POU2F1: variants seen among roughly 807,000 people sequenced by gnomAD.
POU2F1 encodes POU domain, class 2, transcription factor 1.
Under a neutral mutation model 84.9 loss-of-function variants are expected in POU2F1, and 16 were observed. The observed-to-expected ratio is 0.19, with a 90% CI of 0.13 to 0.29. POU2F1 has a LOEUF of 0.29. Among genes scored for constraint, POU2F1 ranks in the 10% least tolerant of loss-of-function variants. The probability of loss-of-function intolerance (pLI) is 1.00; values close to 1 mark genes in which losing one functional copy is unlikely to be tolerated. For synonymous variants in POU2F1, 368 were observed against 368.3 expected (o/e 1.00, Z 0.01); for missense variants, 738 against 942.6 (o/e 0.78, Z 2.84).
In POU2F1 at chr1:167,424,433, TC is replaced by T. The variant is rs1650827704; in HGVS notation, c.*8625del. On this transcript the variant is annotated 3_prime_UTR_variant, in exon 16 of 16. Transcript: ENST00000367866. The stretch of plus-strand genomic sequence containing the variant: ...CTCTCCTCCCGCATAAGTCTGTACT[TC>T]CATCCCCTCATCTGTGGTAGTAGTG... The T allele has an allele frequency of 6.6e-6, 1 of 152,332 alleles. No individual in the cohort carries two copies. Among genetic ancestry groups the T allele is most frequent in the South Asian group, 2.1e-4 (1 of 4,832 alleles). 9.4% of individuals were successfully genotyped at this position (152,332 alleles called of 1,614,324 possible). A position where few individuals can be genotyped will look rare whatever the true frequency, so the allele number is the denominator to read the frequency against.
intron 2 of POU2F1, among the ~76,000 whole-genome samples, chr1:167,347,955 G>A (rs1409067486): frequency 1.3e-5 from 2 of 152,134 alleles, no homozygotes; most frequent in African/African-American, 4.8e-5. Context: ...CATTTGGGTT[G>A]TTTCCACTCT....
intron 5 of POU2F1, among the ~76,000 whole-genome samples, chr1:167,373,680 G>T (rs1343399879): frequency 6.6e-6 from 1 of 152,210 alleles, no homozygotes; most frequent in African/African-American, 2.4e-5. Flanking sequence ...ATATGGCAGG[G>T]ATTCATGCTA....
At chr1:167,292,011 T>C (rs1413937553) in intron 1 of POU2F1, among the ~76,000 whole-genome samples, 1 of 152,006 alleles carries the variant, frequency 6.6e-6, no homozygotes, top group Non-Finnish European at 1.5e-5. Context: ...TTCAAATTCA[T>C]GTTAGAAAAA....
intron 1 of POU2F1, among the ~76,000 whole-genome samples, chr1:167,331,966 C>G (rs923201698): frequency 6.6e-6 from 1 of 151,908 alleles, no homozygotes; most frequent in African/African-American, 2.4e-5. Flanking sequence ...GATAATTTAC[C>G]TTAGACGTGT....
rs533226585 is a variant in POU2F1 at position 167,299,882 on chromosome 1, C to A, written c.62-32588C>A. Among the ~76,000 whole-genome samples the A allele has an allele frequency of 1.6e-3, 250 of 152,080 alleles. 3 individuals are homozygous for A. The highest frequency in any genetic ancestry group is 5.4e-3 in the African/African-American group (223 of 41,444). On this transcript the variant is annotated intron_variant, in intron 1 of 15. Coordinates refer to ENST00000367866, the MANE Select transcript of POU2F1 (RefSeq NM_002697.4). Reference sequence around the variant, plus strand: ...GCCCCCACCTCCAGAGGTTCTGATACAGTAGGTGTGAGGTAGGGGCCAAAA... The same window carrying A: ...GCCCCCACCTCCAGAGGTTCTGATAAAGTAGGTGTGAGGTAGGGGCCAAAA...
chr1:167,283,537 A>G (rs2102508852), intron 1 of POU2F1, among the ~76,000 whole-genome samples: 1 of 152,314 alleles, frequency 6.6e-6, no homozygotes, highest in African/African-American at 2.4e-5. Context: ...AATTGTGTGT[A>G]TTGGTGATTA....
rs553051320 is a variant in POU2F1 at position 167,305,980 on chromosome 1, A to C, written c.62-26490A>C. On this transcript the variant is annotated intron_variant, in intron 1 of 15. Coordinates refer to ENST00000367866, the MANE Select transcript of POU2F1 (RefSeq NM_002697.4). ...TTTTTAGTATACATAGAAATGTAGA[A>C]GTATAGGAAGTAGGGCAAAGAGAAG... 5.3e-5 allele frequency among the ~76,000 whole-genome samples: 8 copies of C among 152,340 alleles called. No homozygotes were observed. The East Asian group carries it at 1.5e-3, about 29-fold the overall frequency.
In POU2F1 at chr1:167,389,620, C is replaced by T. The variant is rs777877233; in HGVS notation, c.846C>T (p.Thr282=). The T allele has an allele frequency of 6.2e-6, 10 of 1,614,014 alleles. No individual in the cohort carries two copies. The African/African-American group carries it at 8.0e-5, about 13-fold the overall frequency. ...CCCCAACACGCACAATAGCAGCAACCCCAATTCAGACACTTCCACAGAGCC... is the reference window on the plus strand; with the variant it reads ...CCCCAACACGCACAATAGCAGCAACTCCAATTCAGACACTTCCACAGAGCC... ...PATPTRTIAA[T]PIQTLPQSQS... Residue 282 remains threonine (T), a synonymous_variant, in exon 9 of 16, where the codon ACC becomes ACT. Coordinates refer to ENST00000367866, the MANE Select transcript of POU2F1 (RefSeq NM_002697.4).
At chr1:167,389,799 G>A (rs749642748) in intron 9 of POU2F1, 38 bp downstream of exon 9, 3 of 1,590,136 alleles carry the variant, frequency 1.9e-6, no homozygotes, top group South Asian at 2.3e-5. Context: ...CCCCTCCTTG[G>A]CTGGGTCCAA....
At chr1:167,312,443 G>A (rs1026816096) in intron 1 of POU2F1, among the ~76,000 whole-genome samples, 2 of 151,670 alleles carry the variant, frequency 1.3e-5, no homozygotes, top group Admixed American at 6.6e-5. Flanking sequence ...TTGGCCAGGC[G>A]GGTCTCGAAC....
At chr1:167,258,525 G>C (rs149931448) in intron 1 of POU2F1, among the ~76,000 whole-genome samples, 3 of 152,148 alleles carry the variant, frequency 2.0e-5, no homozygotes, top group Admixed American at 2.0e-4. Context: ...AGGTCTATTT[G>C]TCTATCAGTC....
At position 167,259,561 on chromosome 1, in the gene POU2F1, AAG is replaced by A. The variant is rs1259633291; in HGVS notation, c.61+38606_61+38607del. On this transcript the variant is annotated intron_variant, in intron 1 of 15. Coordinates refer to ENST00000367866, the MANE Select transcript of POU2F1 (RefSeq NM_002697.4). ...ATATATCTCCCTGTGCGTACATGTT[AAG>A]AGTTTTATTAAGGGGGGGTGTGTTT... Among the ~76,000 whole-genome samples the A allele has an allele frequency of 2.0e-5, 3 of 152,266 alleles. No individual in the cohort carries two copies. The East Asian group carries it at 5.8e-4, about 29-fold the overall frequency.
intron 1 of POU2F1, among the ~76,000 whole-genome samples, chr1:167,302,692 C>T (rs1654791873): frequency 6.6e-6 from 1 of 152,196 alleles, no homozygotes; most frequent in Non-Finnish European, 1.5e-5. Flanking sequence ...GTTATATGAG[C>T]ACTGAGTATG....
Position 167,417,312 on chromosome 1 carries a change from G to A in POU2F1, c.*1502G>A, listed in dbSNP as rs1435419441. On this transcript the variant is annotated 3_prime_UTR_variant, in exon 16 of 16. Coordinates refer to ENST00000367866, the MANE Select transcript of POU2F1 (RefSeq NM_002697.4). ...TGCACACACCTTAAGTGTCTCCTTG[G>A]TTTGTTCATGATGCTCCTGCTAGGT... The A allele has an allele frequency of 6.6e-6, 1 of 152,132 alleles. No homozygotes were observed. Among genetic ancestry groups the A allele is most frequent in the African/African-American group, 2.4e-5 (1 of 41,412 alleles). 9.4% of individuals were successfully genotyped at this position (152,132 alleles called of 1,614,324 possible).
Position 167,383,964 on chromosome 1 carries a change from C to G in POU2F1, c.813+13C>G. ...CCTCACCTCCCAGGTCAGTTTTCTT[C>G]TATGGGGGCTGCTTTCTCTTATCAT... On this transcript the variant is annotated intron_variant, in intron 8 of 15. Transcript: ENST00000367866. The G allele has an allele frequency of 6.3e-7, 1 of 1,593,854 alleles. No individual in the cohort carries two copies. The highest frequency in any genetic ancestry group is 1.3e-5 in the African/African-American group (1 of 74,380).
chr1:167,267,033 G>A (rs933446903), intron 1 of POU2F1, among the ~76,000 whole-genome samples: 25 of 152,030 alleles, frequency 1.6e-4, no homozygotes, highest in Non-Finnish European at 3.4e-4. Flanking sequence ...TTGTAAAGTG[G>A]AAAAATTAGA....
At chr1:167,249,376 A>G (rs1363497604) in intron 1 of POU2F1, among the ~76,000 whole-genome samples, 1 of 152,068 alleles carries the variant, frequency 6.6e-6, no homozygotes, top group Admixed American at 6.6e-5. Flanking sequence ...TTCTAAAGAG[A>G]GATTTATGAG....
chr1:167,359,543 C>A (rs573858621), intron 2 of POU2F1, among the ~76,000 whole-genome samples: 1 of 152,150 alleles, frequency 6.6e-6, no homozygotes, highest in Non-Finnish European at 1.5e-5. Context: ...TAGTATTCCA[C>A]GGTGCATATG....
chr1:167,412,477 TTA>T (rs1650037357), intron 14 of POU2F1, among the ~76,000 whole-genome samples, 173 bp downstream of exon 14: 1 of 152,204 alleles, frequency 6.6e-6, no homozygotes, highest in Non-Finnish European at 1.5e-5. Context: ...ATAGTTGAGT[TTA>T]TGTTTCTTAA....
Sources: allele counts gnomAD v4.1 joint callset (sites outside exome capture counted in the v4.1 genomes callset), GRCh38; gene constraint gnomAD v4.1.1; transcripts MANE v1.5; gene names NCBI Gene and HGNC (gene_info 2026-07-23, HGNC 2026-07-21).